Variants in ADAM32 observed in about 807,000 individuals in gnomAD.
ADAM32 encodes the protein ADAM metallopeptidase domain 32.
In ADAM32, 89 loss-of-function variants were observed where a neutral mutation model predicts 114.9. That is an observed-to-expected ratio of 0.77 (90% CI 0.65 to 0.92). ADAM32 has a LOEUF of 0.92. Ranked by LOEUF, ADAM32 falls within the 40% of genes least tolerant of loss-of-function variation. The pLI, the probability that ADAM32 is intolerant of heterozygous loss-of-function variation, is 0.00. For missense variants in ADAM32, 870 were observed against 932.8 expected, an observed-to-expected ratio of 0.93 and a Z score of 0.88; for synonymous variants, 285 against 307.5, an observed-to-expected ratio of 0.93 and a Z score of 0.77.
rs10102564 is a variant in ADAM32 at position 39,213,264 on chromosome 8, C to T, written c.1233+1940C>T. 1.9e-3 allele frequency among the ~76,000 whole-genome samples: 295 copies of T among 151,922 alleles called. 1 individual carries two copies. Among genetic ancestry groups the T allele is most frequent in the African/African-American group, 6.3e-3 (260 of 41,432 alleles). On this transcript the variant is annotated intron_variant, in intron 12 of 24. Coordinates refer to ENST00000379907, the MANE Select transcript of ADAM32 (RefSeq NM_145004.7). The stretch of plus-strand genomic sequence containing the variant: ...TATATTTTGATACCTGTATAGAATG[C>T]GTAATGATCAAATCAGGGTAATTTG...
At chr8:39,129,959 T>C in intron 2 of ADAM32, 1 of 346,444 alleles carries the variant, frequency 2.9e-6, no homozygotes, top group Non-Finnish European at 5.7e-6. Context: ...CATTTCCTTT[T>C]TTTTTTTTTT....
chr8:39,258,802 C>T (rs1215690206), intron 19 of ADAM32, among the ~76,000 whole-genome samples: 1 of 151,862 alleles, frequency 6.6e-6, no homozygotes, highest in Non-Finnish European at 1.5e-5. Flanking sequence ...TGTAGCTTTC[C>T]CTCTGATTGT....
At chr8:39,186,811 C>A in intron 10 of ADAM32, 98 bp from the exon 11 acceptor site, 1 of 1,041,222 alleles carries the variant, frequency 9.6e-7, no homozygotes, top group Non-Finnish European at 1.3e-6. Context: ...AATTCTTTAG[C>A]ATTTGATAAA....
intron 2 of ADAM32, among the ~76,000 whole-genome samples, chr8:39,122,185 G>A (rs1247471031): frequency 6.6e-6 from 1 of 152,118 alleles, no homozygotes; most frequent in East Asian, 1.9e-4. Flanking sequence ...GCTAGAATGA[G>A]TTAAGGCTTT....
At chr8:39,280,477 C>T (rs1375188450) in intron 22 of ADAM32, among the ~76,000 whole-genome samples, 1 of 152,112 alleles carries the variant, frequency 6.6e-6, no homozygotes, top group African/African-American at 2.4e-5. Context: ...TTAACAAATA[C>T]AAAACTAACT....
intron 23 of ADAM32, among the ~76,000 whole-genome samples, chr8:39,281,716 T>C (rs563836996): frequency 4.4e-4 from 67 of 152,328 alleles, no homozygotes; most frequent in South Asian, 8.3e-4. Flanking sequence ...TTTGGTTTCC[T>C]ACACCCCACA....
At chr8:39,218,952 G>A (rs1306063865) in intron 12 of ADAM32, among the ~76,000 whole-genome samples, 2 of 152,068 alleles carry the variant, frequency 1.3e-5, no homozygotes, top group Non-Finnish European at 2.9e-5. Context: ...ATTCTTTAGG[G>A]CCCAAGGGCT....
At position 39,165,151 on chromosome 8, in the gene ADAM32, AATCTT is replaced by A; in HGVS notation, c.795_799del (p.Tyr265Ter). 1 of 1,598,476 alleles carries A rather than the reference AATCTT, an allele frequency of 6.3e-7. No homozygotes were observed. Among genetic ancestry groups the A allele is most frequent in the African/African-American group, 1.3e-5 (1 of 74,574 alleles). On this transcript the variant is annotated frameshift_variant, in exon 9 of 25. Transcript: ENST00000379907. LOFTEE classifies it high-confidence loss of function. ...TTGCAAAAATTTTTAGAATGGAAAC[AATCTT>A]ATCTTAACCTAAGGCCTCATGATAT...
At chr8:39,197,464 TTCTG>T (rs1218901137) in intron 11 of ADAM32, among the ~76,000 whole-genome samples, 2 of 152,070 alleles carry the variant, frequency 1.3e-5, no homozygotes, top group African/African-American at 2.4e-5. Flanking sequence ...TATCATAAAA[TTCTG>T]TCTTAGTACT....
chr8:39,165,107 T>C lies in ADAM32; in HGVS notation c.744T>C (p.Val248=). The change falls in exon 9 of 25, where the codon GTT becomes GTC. Residue 248 remains valine (V), a synonymous_variant. Coordinates refer to ENST00000379907, the MANE Select transcript of ADAM32 (RefSeq NM_145004.7). ...CAGATGAAAATAAGATTTCTACAGT[T>C]GGTGAGGCAGATGAATTATTGCAAA... The part of the protein sequence containing the change: ...LWSDENKIST[V]GEADELLQKF... 1 of 1,609,536 alleles carries C rather than the reference T, an allele frequency of 6.2e-7. No individual in the cohort carries two copies. Among genetic ancestry groups the C allele is most frequent in the Non-Finnish European group, 8.5e-7 (1 of 1,176,966 alleles).
At chr8:39,204,577 C>T (rs1196918105) in intron 11 of ADAM32, among the ~76,000 whole-genome samples, 1 of 152,208 alleles carries the variant, frequency 6.6e-6, no homozygotes, top group Non-Finnish European at 1.5e-5. Context: ...TAGGTTCAAA[C>T]TTCCTCCTTT....
intron 2 of ADAM32, among the ~76,000 whole-genome samples, chr8:39,118,985 A>G (rs1232899767): frequency 6.6e-6 from 1 of 152,206 alleles, no homozygotes; most frequent in Non-Finnish European, 1.5e-5. Flanking sequence ...GGGGCATTTT[A>G]TATAAATGGC....
At chr8:39,165,667 A>G (rs1474589878) in intron 9 of ADAM32, 5 of 152,222 alleles carry the variant, frequency 3.3e-5, no homozygotes, top group Admixed American at 1.3e-4. Flanking sequence ...AATTATAGCT[A>G]TATATTTATA....
chr8:39,238,652 G>A (rs888721790), intron 16 of ADAM32, among the ~76,000 whole-genome samples: 5 of 152,062 alleles, frequency 3.3e-5, no homozygotes, highest in African/African-American at 1.2e-4. Flanking sequence ...CCAGAGAAAG[G>A]TGAAAAACTA....
chr8:39,122,143 C>T (rs540893461), intron 2 of ADAM32, among the ~76,000 whole-genome samples: 1 of 152,252 alleles, frequency 6.6e-6, no homozygotes, highest in African/African-American at 2.4e-5. Context: ...ATTTAAGTGA[C>T]ATTTAGATGA....
intron 9 of ADAM32, chr8:39,168,425 A>C (rs950870634): frequency 6.6e-6 from 1 of 152,178 alleles, no homozygotes; most frequent in Non-Finnish European, 1.5e-5. Flanking sequence ...TGCCCTCAGC[A>C]TACCTTCTGG....
At chr8:39,232,234 T>A (rs1417387077) in intron 15 of ADAM32, 99 bp downstream of exon 15, 6 of 912,898 alleles carry the variant, frequency 6.6e-6, no homozygotes, top group Non-Finnish European at 9.7e-6. Flanking sequence ...GTTTAAAGTA[T>A]TACATGTGCA....
chr8:39,279,732 G>A (rs565221388), intron 22 of ADAM32, among the ~76,000 whole-genome samples: 1 of 152,040 alleles, frequency 6.6e-6, no homozygotes, highest in Admixed American at 6.5e-5. Context: ...GATTTGTGTG[G>A]AGATCCTAAA....
At chr8:39,185,157 C>T (rs575252135) in intron 10 of ADAM32, among the ~76,000 whole-genome samples, 60 of 151,772 alleles carry the variant, frequency 4.0e-4, no homozygotes, top group African/African-American at 1.2e-3. Flanking sequence ...CTCAGCTATT[C>T]GAGAGGCTGA....
Sources: allele counts gnomAD v4.1 joint callset (sites outside exome capture counted in the v4.1 genomes callset), GRCh38; gene constraint gnomAD v4.1.1; transcripts MANE v1.5; gene names NCBI Gene and HGNC (gene_info 2026-07-23, HGNC 2026-07-21).